Variants in ERBB4 observed in about 807,000 individuals in gnomAD.
ERBB4 encodes the protein receptor tyrosine-protein kinase erbB-4.
In ERBB4, 42 loss-of-function variants were observed where a neutral mutation model predicts 158.0. The observed-to-expected ratio is 0.27, with a 90% CI of 0.21 to 0.34. ERBB4 has a LOEUF of 0.34. ERBB4 is among the 10% of genes least tolerant of loss of function. The pLI, the probability that ERBB4 is intolerant of heterozygous loss-of-function variation, is 1.00. For missense variants in ERBB4, 1,333 were observed against 1,624.1 expected (o/e 0.82, Z 3.08); for synonymous variants, 583 against 558.7 (o/e 1.04, Z -0.61).
intron 3 of ERBB4, among the ~76,000 whole-genome samples, chr2:211,831,200 G>T (rs1008903119): frequency 6.6e-6 from 1 of 152,068 alleles, no homozygotes; most frequent in African/African-American, 2.4e-5. Flanking sequence ...TTCCAACTAC[G>T]CTTTCCAAAG....
In ERBB4 at chr2:211,813,097, G is replaced by A. The variant is rs150452855; in HGVS notation, c.422-24938C>T. The stretch of plus-strand genomic sequence containing the variant: ...TGAGATGAACCAGGTACCTCAGTTG[G>A]AAAGGCAGAAATCACCTGTCTTCTG... On this transcript the variant is annotated intron_variant, in intron 3 of 27. Transcript: ENST00000342788. 2.9e-3 allele frequency among the ~76,000 whole-genome samples: 435 copies of A among 152,324 alleles called. 2 individuals are homozygous for A. Among genetic ancestry groups the A allele is most frequent in the Non-Finnish European group, 4.9e-3 (336 of 68,026 alleles).
intron 2 of ERBB4, among the ~76,000 whole-genome samples, chr2:212,057,014 G>A (rs2077598454): frequency 6.6e-6 from 1 of 152,158 alleles, no homozygotes; most frequent in Non-Finnish European, 1.5e-5. Flanking sequence ...ACTCATCAGT[G>A]TGCTGCATTC....
intron 1 of ERBB4, among the ~76,000 whole-genome samples, chr2:212,250,286 A>G (rs2084482537): frequency 6.6e-6 from 1 of 151,924 alleles, no homozygotes; most frequent in African/African-American, 2.4e-5. Context: ...GTTTTTACCT[A>G]TGAAAGATAA....
At position 211,956,043 on chromosome 2, in the gene ERBB4, TGTGTG is replaced by T. The variant is rs2081019440; in HGVS notation, c.235-8432_235-8428del. 1.8e-4 allele frequency among the ~76,000 whole-genome samples: 27 copies of T among 151,870 alleles called. No individual in the cohort carries two copies. The South Asian group carries it at 4.2e-3, about 23-fold the overall frequency. ...ATCATCTCTAAAGTGTGTGTGTGTG[TGTGTG>T]TGTGTGTGTGTGTGTATTTGTTTTC... On this transcript the variant is annotated intron_variant, in intron 2 of 27. Coordinates refer to ENST00000342788, the MANE Select transcript of ERBB4 (RefSeq NM_005235.3).
intron 19 of ERBB4, among the ~76,000 whole-genome samples, chr2:211,562,416 C>T (rs2067421722): frequency 6.6e-6 from 1 of 152,082 alleles, no homozygotes; most frequent in African/African-American, 2.4e-5. Context: ...TGAATTCCAG[C>T]TTATATTATG....
At chr2:211,939,114 C>A (rs2080412411) in intron 3 of ERBB4, among the ~76,000 whole-genome samples, 1 of 152,110 alleles carries the variant, frequency 6.6e-6, no homozygotes, top group Admixed American at 6.5e-5. Flanking sequence ...ATGATCAAAA[C>A]AAATTCTTTC....
At chr2:211,800,919 T>A (rs1039069361) in intron 3 of ERBB4, among the ~76,000 whole-genome samples, 1 of 152,208 alleles carries the variant, frequency 6.6e-6, no homozygotes, top group Non-Finnish European at 1.5e-5. Flanking sequence ...TGCTTAGTGT[T>A]TGAAAGCTCT....
intron 7 of ERBB4, among the ~76,000 whole-genome samples, chr2:211,714,020 C>T (rs1207038391): frequency 6.6e-6 from 1 of 152,168 alleles, no homozygotes; most frequent in Non-Finnish European, 1.5e-5. Flanking sequence ...GTCCATGAAG[C>T]ACAAATGAAG....
chr2:211,410,206 G>A (rs746047985), intron 25 of ERBB4, among the ~76,000 whole-genome samples: 2 of 152,156 alleles, frequency 1.3e-5, no homozygotes, highest in Non-Finnish European at 2.9e-5. Context: ...GACTTTATAC[G>A]CAATGAATAA....
intron 19 of ERBB4, among the ~76,000 whole-genome samples, chr2:211,615,113 A>T (rs1006443124): frequency 2.0e-5 from 3 of 152,008 alleles, no homozygotes; most frequent in Admixed American, 6.6e-5. Context: ...TAATTACATA[A>T]TTTCTTTCAT....
chr2:211,580,824 T>TAATATATATATTA lies in ERBB4; in HGVS notation c.2302-18737_2302-18736insTAATATATATATT, dbSNP rs1491111562. Among the ~76,000 whole-genome samples, 24 of 13,482 alleles carry TAATATATATATTA rather than the reference T, an allele frequency of 1.8e-3. 4 individuals are homozygous for TAATATATATATTA. The highest frequency in any genetic ancestry group is 2.4e-3 in the African/African-American group (24 of 9,866). 8.8% of individuals were successfully genotyped at this position (13,482 alleles called of 152,430 possible). On this transcript the variant is annotated intron_variant, in intron 19 of 27. Coordinates refer to ENST00000342788, the MANE Select transcript of ERBB4 (RefSeq NM_005235.3). ...TATATATATATATAATATATATATA[T>TAATATATATATTA]TATATATATAGATTATATATTATAT...
intron 3 of ERBB4, among the ~76,000 whole-genome samples, chr2:211,922,375 CA>C (rs1292679588): frequency 6.6e-6 from 1 of 152,006 alleles, no homozygotes; most frequent in East Asian, 1.9e-4. Flanking sequence ...ATTCTAATAT[CA>C]AAAGTCTCTC....
intron 1 of ERBB4, among the ~76,000 whole-genome samples, chr2:212,469,560 C>T (rs188309380): frequency 6.6e-6 from 1 of 152,162 alleles, no homozygotes; most frequent in East Asian, 1.9e-4. Context: ...TCTTGCGTTC[C>T]AACAGTATGC....
chr2:212,061,737 CTT>C (rs71054164), intron 2 of ERBB4, among the ~76,000 whole-genome samples: 12 of 133,972 alleles, frequency 9.0e-5, no homozygotes, highest in Admixed American at 2.3e-4. Context: ...TTTTTCTTTT[CTT>C]TTTTTTTTTT....
intron 3 of ERBB4, among the ~76,000 whole-genome samples, chr2:211,871,907 CAGG>C (rs1183456763): frequency 1.3e-5 from 2 of 151,838 alleles, no homozygotes; most frequent in African/African-American, 4.8e-5. Context: ...GGAGGAGAAG[CAGG>C]AGGAGGAAGA....
intron 14 of ERBB4, among the ~76,000 whole-genome samples, chr2:211,667,320 G>T (rs968720983): frequency 5.3e-5 from 8 of 151,866 alleles, no homozygotes; most frequent in Non-Finnish European, 1.0e-4. Context: ...AAAAATGGAG[G>T]CGTGTGAATA....
intron 3 of ERBB4, among the ~76,000 whole-genome samples, chr2:211,815,455 C>T (rs1251508735): frequency 1.3e-5 from 2 of 152,152 alleles, no homozygotes; most frequent in Non-Finnish European, 2.9e-5. Context: ...AAAAAGCAAT[C>T]TATCAAATTT....
chr2:212,213,551 C>G (rs1174290182), intron 1 of ERBB4, among the ~76,000 whole-genome samples: 1 of 151,874 alleles, frequency 6.6e-6, no homozygotes, highest in Non-Finnish European at 1.5e-5. Flanking sequence ...CACATCATCC[C>G]AAAGTGCTGA....
At chr2:212,058,981 G>A (rs1274137839) in intron 2 of ERBB4, among the ~76,000 whole-genome samples, 1 of 152,144 alleles carries the variant, frequency 6.6e-6, no homozygotes, top group African/African-American at 2.4e-5. Context: ...TATTCAATTA[G>A]GCATAGAGGA....
Sources: gnomAD v4.1 joint callset for allele counts (sites outside exome capture counted in the v4.1 genomes callset) on GRCh38, gnomAD v4.1.1 for gene constraint, MANE v1.5 for transcripts, NCBI Gene and HGNC (gene_info 2026-07-23, HGNC 2026-07-21) for gene names.